GMDS: variants seen among roughly 807,000 people sequenced by gnomAD.
The protein encoded by GMDS is GDP-mannose 4,6-dehydratase.
A neutral mutation model predicts 49.9 loss-of-function variants in GMDS; 20 were observed. The observed-to-expected ratio is 0.40, with a 90% CI of 0.28 to 0.58. The LOEUF is 0.58. GMDS is among the 20% of genes least tolerant of loss of function. GMDS has a pLI of 0.42. For synonymous variants in GMDS, 177 were observed against 178.6 expected, an observed-to-expected ratio of 0.99 and a Z score of 0.07; for missense variants, 362 against 481.4, an observed-to-expected ratio of 0.75 and a Z score of 2.32.
chr6:1,909,501 G>C (rs1388942242), intron 7 of GMDS, among the ~76,000 whole-genome samples: 1 of 152,208 alleles, frequency 6.6e-6, no homozygotes, highest in Non-Finnish European at 1.5e-5. Context: ...ACAGGATCTT[G>C]CTGTGAGTGT....
chr6:2,077,836 G>C (rs1289239511), intron 4 of GMDS, among the ~76,000 whole-genome samples: 1 of 151,998 alleles, frequency 6.6e-6, no homozygotes, highest in Non-Finnish European at 1.5e-5. Flanking sequence ...CAATTTTTTG[G>C]AATAGTTTCA....
At chr6:1,717,670 T>A (rs1766222389) in intron 9 of GMDS, 1 of 152,112 alleles carries the variant, frequency 6.6e-6, no homozygotes, top group South Asian at 2.1e-4. Context: ...AAATAAATAT[T>A]TAAATAAAAA....
At chr6:1,632,586 C>CA (rs1469174713) in intron 9 of GMDS, among the ~76,000 whole-genome samples, 2 of 152,302 alleles carry the variant, frequency 1.3e-5, no homozygotes, top group East Asian at 3.9e-4. Context: ...TATCTCAACA[C>CA]AAAAACGTGG....
At chr6:2,153,730 C>G (rs1015381079) in intron 1 of GMDS, among the ~76,000 whole-genome samples, 1 of 152,086 alleles carries the variant, frequency 6.6e-6, no homozygotes, top group African/African-American at 2.4e-5. Context: ...GGTAGAGATA[C>G]TTTTAGAGAA....
intron 6 of GMDS, among the ~76,000 whole-genome samples, chr6:1,956,962 C>T (rs1335511473): frequency 6.6e-6 from 1 of 151,920 alleles, no homozygotes; most frequent in Non-Finnish European, 1.5e-5. Context: ...CCACCACACT[C>T]AGCTAATTTT....
At chr6:1,773,752 A>G (rs939738875) in intron 7 of GMDS, among the ~76,000 whole-genome samples, 2 of 152,220 alleles carry the variant, frequency 1.3e-5, no homozygotes, top group African/African-American at 4.8e-5. Flanking sequence ...AGGTAATTAT[A>G]TCTTATTCCA....
chr6:2,020,713 A>G (rs538350961), intron 4 of GMDS, among the ~76,000 whole-genome samples: 1 of 152,302 alleles, frequency 6.6e-6, no homozygotes, highest in East Asian at 1.9e-4. Context: ...ATTTAATGTA[A>G]GTGAAGACAG....
At chr6:2,104,069 G>A (rs1774081771) in intron 4 of GMDS, among the ~76,000 whole-genome samples, 1 of 152,212 alleles carries the variant, frequency 6.6e-6, no homozygotes, top group African/African-American at 2.4e-5. Flanking sequence ...GAGACATGCA[G>A]GCCAAACTCC....
chr6:1,693,347 C>A (rs190780273), intron 9 of GMDS, among the ~76,000 whole-genome samples: 1 of 152,346 alleles, frequency 6.6e-6, no homozygotes, highest in East Asian at 1.9e-4. Flanking sequence ...CAATTCTCCT[C>A]ACCTCTGCCC....
At chr6:1,847,322 T>C (rs1190460594) in intron 7 of GMDS, among the ~76,000 whole-genome samples, 1 of 152,138 alleles carries the variant, frequency 6.6e-6, no homozygotes, top group African/African-American at 2.4e-5. Flanking sequence ...TCCTGAAGAT[T>C]ACAGGTATGA....
intron 7 of GMDS, among the ~76,000 whole-genome samples, chr6:1,831,234 T>TG (rs1235841540): frequency 2.0e-5 from 3 of 152,256 alleles, no homozygotes; most frequent in African/African-American, 7.2e-5. Flanking sequence ...CCTCCCATCC[T>TG]GAAACTAAAG....
intron 4 of GMDS, among the ~76,000 whole-genome samples, chr6:2,093,013 T>G (rs1773409156): frequency 6.6e-6 from 1 of 152,204 alleles, no homozygotes; most frequent in Non-Finnish European, 1.5e-5. Context: ...TTATTCATTA[T>G]CCTCTTTTTC....
intron 1 of GMDS, among the ~76,000 whole-genome samples, chr6:2,241,240 T>TA (rs1781601689): frequency 6.6e-6 from 1 of 152,200 alleles, no homozygotes; most frequent in Admixed American, 6.5e-5. Flanking sequence ...CCAATGACCG[T>TA]ACAACCATTG....
intron 4 of GMDS, among the ~76,000 whole-genome samples, chr6:2,097,090 T>C (rs901264748): frequency 3.3e-5 from 5 of 151,800 alleles, no homozygotes; most frequent in South Asian, 2.1e-4. Context: ...AGAAAATATA[T>C]TTGAAAAGAA....
At chr6:1,735,562 C>T (rs985907828) in intron 8 of GMDS, among the ~76,000 whole-genome samples, 3 of 152,164 alleles carry the variant, frequency 2.0e-5, no homozygotes, top group East Asian at 1.9e-4. Context: ...AGGCATTTGA[C>T]GAGCCCAGTG....
chr6:1,786,913 T>C (rs553479979), intron 7 of GMDS, among the ~76,000 whole-genome samples: 4 of 152,092 alleles, frequency 2.6e-5, no homozygotes, highest in Non-Finnish European at 4.4e-5. Context: ...GTGAGCTGAC[T>C]GCAGGATTGT....
At chr6:1,904,877 G>A (rs146708555) in intron 7 of GMDS, among the ~76,000 whole-genome samples, 5 of 152,190 alleles carry the variant, frequency 3.3e-5, no homozygotes, top group Non-Finnish European at 4.4e-5. Flanking sequence ...GTGTCACATG[G>A]TTGACAAAGG....
At chr6:2,193,967 C>T (rs759567091) in intron 1 of GMDS, among the ~76,000 whole-genome samples, 5 of 152,000 alleles carry the variant, frequency 3.3e-5, no homozygotes, top group Non-Finnish European at 7.4e-5. Flanking sequence ...TCATGATCCA[C>T]CCGCTCGGCC....
intron 4 of GMDS, among the ~76,000 whole-genome samples, chr6:2,002,899 C>G (rs1766916197): frequency 1.3e-5 from 2 of 152,094 alleles, no homozygotes; most frequent in Non-Finnish European, 2.9e-5. Context: ...ATCTACCACT[C>G]TTACATGGGT....
Sources: allele counts gnomAD v4.1 joint callset (sites outside exome capture counted in the v4.1 genomes callset), GRCh38; gene constraint gnomAD v4.1.1; transcripts MANE v1.5; gene names NCBI Gene and HGNC (gene_info 2026-07-23, HGNC 2026-07-21).